LHFPL3: variants seen among roughly 807,000 people sequenced by gnomAD.
The protein encoded by LHFPL3 is LHFPL tetraspan subfamily member 3 protein.
A neutral mutation model predicts 19.3 loss-of-function variants in LHFPL3; 5 were observed. The observed-to-expected ratio is 0.26, with a 90% CI of 0.14 to 0.54. The LOEUF is 0.54. Ranked by LOEUF, LHFPL3 falls within the 20% of genes least tolerant of loss-of-function variation. LHFPL3 has a pLI of 0.94. For synonymous variants in LHFPL3, 133 were observed against 126.2 expected, an observed-to-expected ratio of 1.05 and a Z score of -0.36; for missense variants, 249 against 307.4, an observed-to-expected ratio of 0.81 and a Z score of 1.42.
chr7:104,801,284 G>T (rs2116475311), intron 2 of LHFPL3, among the ~76,000 whole-genome samples: 1 of 152,230 alleles, frequency 6.6e-6, no homozygotes, highest in South Asian at 2.1e-4. Context: ...CAGGCCCAGG[G>T]ACCAGCCCAG....
intron 1 of LHFPL3, among the ~76,000 whole-genome samples, chr7:104,551,079 C>G (rs1003679298): frequency 6.6e-6 from 1 of 151,698 alleles, no homozygotes; most frequent in Non-Finnish European, 1.5e-5. Context: ...TCTTAATAGA[C>G]TTCAATGAGG....
At chr7:104,407,503 A>G (rs564519009) in intron 1 of LHFPL3, among the ~76,000 whole-genome samples, 52 of 152,270 alleles carry the variant, frequency 3.4e-4, no homozygotes, top group Non-Finnish European at 6.6e-4. Flanking sequence ...CTAAAAATAC[A>G]AAATTAGCCA....
rs780231741 is a variant in LHFPL3 at position 104,329,085 on chromosome 7, G to A, written c.306G>A (p.Ser102=). 6.2e-7 allele frequency: 1 copy of A among 1,613,916 alleles called. No individual in the cohort carries two copies. The highest frequency in any genetic ancestry group is 2.2e-5 in the East Asian group (1 of 44,888). Reference sequence around the variant, plus strand: ...TCACGGACTTCTCCACGCTGCCCTCGGGCGCCTTCAAAGCCGCCTCCTTCT... The same window carrying A: ...TCACGGACTTCTCCACGCTGCCCTCAGGCGCCTTCAAAGCCGCCTCCTTCT... ...GSFTDFSTLP[S]GAFKAASFFI... Residue 102 remains serine, a synonymous_variant, in exon 1 of 3, where the codon TCG becomes TCA. Coordinates refer to ENST00000424859, the MANE Select transcript of LHFPL3 (RefSeq NM_199000.3).
At chr7:104,395,707 A>G (rs1487349599) in intron 1 of LHFPL3, among the ~76,000 whole-genome samples, 3 of 152,144 alleles carry the variant, frequency 2.0e-5, no homozygotes, top group African/African-American at 7.2e-5. Context: ...TCTGTCCCAA[A>G]CATTCAATAC....
intron 2 of LHFPL3, among the ~76,000 whole-genome samples, chr7:104,870,489 G>A (rs554039103): frequency 3.4e-4 from 52 of 152,324 alleles, no homozygotes; most frequent in African/African-American, 1.1e-3. Context: ...TTAGCATGGA[G>A]CCTGCTTCCT....
chr7:104,858,181 G>T (rs1791546202), intron 2 of LHFPL3, among the ~76,000 whole-genome samples: 1 of 152,224 alleles, frequency 6.6e-6, no homozygotes, highest in African/African-American at 2.4e-5. Context: ...CTGTGGCTCA[G>T]ATCTTACTGC....
At chr7:104,827,932 G>T (rs1212213721) in intron 2 of LHFPL3, among the ~76,000 whole-genome samples, 1 of 151,864 alleles carries the variant, frequency 6.6e-6, no homozygotes, top group Non-Finnish European at 1.5e-5. Flanking sequence ...TTGCAGATTT[G>T]AAAGCAGCTG....
intron 1 of LHFPL3, among the ~76,000 whole-genome samples, chr7:104,523,630 G>A (rs35594111): frequency 0.012 from 1,835 of 152,180 alleles, 15 homozygotes; most frequent in East Asian, 0.027. Flanking sequence ...TACACATATA[G>A]TCACTTAGAT....
intron 2 of LHFPL3, among the ~76,000 whole-genome samples, chr7:104,875,258 T>C (rs1328901955): frequency 6.6e-6 from 1 of 152,092 alleles, no homozygotes; most frequent in Non-Finnish European, 1.5e-5. Flanking sequence ...TGCATAATAC[T>C]GAGGTCCAAA....
At chr7:104,492,161 G>T (rs935076467) in intron 1 of LHFPL3, among the ~76,000 whole-genome samples, 8 of 152,076 alleles carry the variant, frequency 5.3e-5, no homozygotes, top group African/African-American at 1.4e-4. Flanking sequence ...AAACTACAGG[G>T]TTACTTGCGT....
At chr7:104,437,374 A>G (rs1792129940) in intron 1 of LHFPL3, among the ~76,000 whole-genome samples, 1 of 152,188 alleles carries the variant, frequency 6.6e-6, no homozygotes, top group African/African-American at 2.4e-5. Flanking sequence ...CACTTCTGAT[A>G]CAAGATGTGT....
chr7:104,495,824 A>G (rs1012938379), intron 1 of LHFPL3, among the ~76,000 whole-genome samples: 23 of 152,166 alleles, frequency 1.5e-4, no homozygotes, highest in Admixed American at 1.4e-3. Flanking sequence ...CACCTTGCCA[A>G]CATCTTTATT....
At chr7:104,403,725 T>TCTCTCTCTCTCTC (rs1791360457) in intron 1 of LHFPL3, among the ~76,000 whole-genome samples, 3 of 143,598 alleles carry the variant, frequency 2.1e-5, no homozygotes, top group Admixed American at 6.9e-5. Context: ...TTAGTGAACA[T>TCTCTCTCTCTCTC]TCTCTCTCTC....
intron 2 of LHFPL3, among the ~76,000 whole-genome samples, chr7:104,891,357 G>C (rs1792242724): frequency 6.6e-6 from 1 of 152,026 alleles, no homozygotes; most frequent in Non-Finnish European, 1.5e-5. Context: ...GGAAGGGCAA[G>C]CAGGCGTGCG....
chr7:104,881,000 C>G (rs1332386459), intron 2 of LHFPL3, among the ~76,000 whole-genome samples: 2 of 152,044 alleles, frequency 1.3e-5, no homozygotes, highest in African/African-American at 4.8e-5. Context: ...GAAACCCCAT[C>G]TCTACTGAAA....
rs1790809719 is a variant in LHFPL3 at position 104,380,687 on chromosome 7, A to G, written c.445+51463A>G. 5.3e-5 allele frequency among the ~76,000 whole-genome samples: 8 copies of G among 152,342 alleles called. No individual in the cohort carries two copies. In the South Asian group the frequency reaches 1.7e-3, roughly 32 times the overall value. ...CTCCATAAGATAAGCCTATGAATCA[A>G]CAGCATTTTAGGAGAAATATTTGTG... On this transcript the variant is annotated intron_variant, in intron 1 of 2. Transcript: ENST00000424859.
At chr7:104,792,864 A>C (rs1790051721) in intron 2 of LHFPL3, among the ~76,000 whole-genome samples, 1 of 152,164 alleles carries the variant, frequency 6.6e-6, no homozygotes, top group Admixed American at 6.5e-5. Context: ...TGAGCTGACC[A>C]TCAGTCTGCA....
chr7:104,713,167 T>C (rs764905309), intron 1 of LHFPL3, among the ~76,000 whole-genome samples: 2 of 152,194 alleles, frequency 1.3e-5, no homozygotes, highest in Non-Finnish European at 2.9e-5. Context: ...TAATATCCCC[T>C]ACTCTGAGCA....
At chr7:104,611,019 A>G (rs1385387114) in intron 1 of LHFPL3, among the ~76,000 whole-genome samples, 1 of 152,170 alleles carries the variant, frequency 6.6e-6, no homozygotes, top group Admixed American at 6.5e-5. Flanking sequence ...GATGCTGGCA[A>G]TTTTTAAATG....
Sources: allele counts gnomAD v4.1 joint callset (sites outside exome capture counted in the v4.1 genomes callset), GRCh38; gene constraint gnomAD v4.1.1; transcripts MANE v1.5; gene names NCBI Gene and HGNC (gene_info 2026-07-23, HGNC 2026-07-21).